SORBS2: variants seen among roughly 807,000 people sequenced by gnomAD.
The protein encoded by SORBS2 is sorbin and SH3 domain-containing protein 2.
In SORBS2, 46 loss-of-function variants were observed where a neutral mutation model predicts 97.7. That is an observed-to-expected ratio of 0.47 (90% CI 0.37 to 0.60). SORBS2 has a LOEUF of 0.60. Ranked by LOEUF, SORBS2 falls within the 20% of genes least tolerant of loss-of-function variation. SORBS2 has a pLI of 0.00. For synonymous variants in SORBS2, 476 were observed against 473.4 expected (o/e 1.01, Z -0.07); for missense variants, 1,316 against 1,282.3 (o/e 1.03, Z -0.40).
Position 185,764,174 on chromosome 4 carries a change from T to C in SORBS2, c.-198+11053A>G, listed in dbSNP as rs117348651. Among the ~76,000 whole-genome samples the C allele has an allele frequency of 6.6e-5, 10 of 152,342 alleles. No individual in the cohort carries two copies. The East Asian group carries it at 1.7e-3, about 26-fold the overall frequency. ...TATCCAGCCATATCACTGCTCTCCATAGTCCTGTAGCAACTGAGAGGACTG... is the reference window on the plus strand; with the variant it reads ...TATCCAGCCATATCACTGCTCTCCACAGTCCTGTAGCAACTGAGAGGACTG... On this transcript the variant is annotated intron_variant, in intron 2 of 20. Coordinates refer to the SORBS2 transcript ENST00000284776.
At chr4:185,725,874 G>A (rs2098551379) in intron 2 of SORBS2, among the ~76,000 whole-genome samples, 1 of 151,928 alleles carries the variant, frequency 6.6e-6, no homozygotes, top group South Asian at 2.1e-4. Flanking sequence ...TCTAAACCAA[G>A]CCCAACACAA....
intron 1 of SORBS2, among the ~76,000 whole-genome samples, chr4:185,840,356 A>G (rs913698126): frequency 6.6e-6 from 1 of 152,198 alleles, no homozygotes; most frequent in African/African-American, 2.4e-5. Flanking sequence ...GATAGAATCT[A>G]GCTGGATTTT....
intron 1 of SORBS2, among the ~76,000 whole-genome samples, chr4:185,910,300 C>T (rs577053809): frequency 2.6e-5 from 4 of 152,288 alleles, no homozygotes; most frequent in Non-Finnish European, 4.4e-5. Context: ...ATTTTCAATG[C>T]GTTTCCTGTG....
At chr4:185,875,557 T>C (rs760804743) in intron 1 of SORBS2, among the ~76,000 whole-genome samples, 1 of 152,220 alleles carries the variant, frequency 6.6e-6, no homozygotes, top group Non-Finnish European at 1.5e-5. Flanking sequence ...TTACAGTGCT[T>C]AGTTTTAAAA....
chr4:185,918,866 C>T (rs192985112), intron 1 of SORBS2, among the ~76,000 whole-genome samples: 12 of 152,264 alleles, frequency 7.9e-5, no homozygotes, highest in East Asian at 7.7e-4. Context: ...ACAGTTTCCA[C>T]GTATGTTCAC....
rs775539307 is a variant in SORBS2 at position 185,623,715 on chromosome 4, G to T, written c.1414C>A (p.Arg472=). ...AGGGCGTTAGACTGGCAGCCTCGCC[G>T]GCCCCGAGCGGGGGGGCCGCTTTGA... Residue 472 remains arginine (R), a synonymous_variant, in exon 7 of 15, where the codon CGG becomes AGG. Transcript: ENST00000418609. The surrounding 1 kb of genome is among the most constrained non-coding windows in gnomAD (Gnocchi z 6.4). 1 of 1,613,918 alleles carries T rather than the reference G, an allele frequency of 6.2e-7. No homozygotes were observed. The highest frequency in any genetic ancestry group is 8.5e-7 in the Non-Finnish European group (1 of 1,180,010).
intron 1 of SORBS2, among the ~76,000 whole-genome samples, chr4:185,928,806 A>C (rs2099265028): frequency 6.6e-6 from 1 of 152,106 alleles, no homozygotes; most frequent in Non-Finnish European, 1.5e-5. Flanking sequence ...TCGGCCTCCT[A>C]AAGTGCTGGG....
chr4:185,731,499 T>TCC (rs1469141423), intron 2 of SORBS2, among the ~76,000 whole-genome samples: 7 of 100,118 alleles, frequency 7.0e-5, no homozygotes, highest in Non-Finnish European at 1.4e-4. Context: ...CCTGTCTCTC[T>TCC]CCCTCCCTCC....
At chr4:185,667,538 T>C (rs1284320562) in intron 4 of SORBS2, among the ~76,000 whole-genome samples, 2 of 151,964 alleles carry the variant, frequency 1.3e-5, no homozygotes, top group East Asian at 3.9e-4. Context: ...AAGTTCTGCA[T>C]AAACTTCAGG....
intron 1 of SORBS2, among the ~76,000 whole-genome samples, chr4:185,953,960 A>G (rs2099278434): frequency 6.6e-6 from 1 of 152,216 alleles, no homozygotes; most frequent in African/African-American, 2.4e-5. Flanking sequence ...TCCCGGAGGG[A>G]GACGTCCTTT....
intron 1 of SORBS2, among the ~76,000 whole-genome samples, chr4:185,800,048 G>A (rs1456028330): frequency 3.9e-5 from 6 of 152,056 alleles, no homozygotes; most frequent in African/African-American, 1.4e-4. Flanking sequence ...AATACTATTA[G>A]CTGAGCATGG....
intron 4 of SORBS2, among the ~76,000 whole-genome samples, chr4:185,638,632 C>T (rs1561581368): frequency 7.9e-6 from 1 of 127,058 alleles, no homozygotes; most frequent in Admixed American, 8.8e-5. Flanking sequence ...ACAATTCACT[C>T]GGGTGCAGGC....
At chr4:185,762,510 C>A (rs1584364024) in intron 2 of SORBS2, among the ~76,000 whole-genome samples, 1 of 151,050 alleles carries the variant, frequency 6.6e-6, no homozygotes, top group African/African-American at 2.4e-5. Context: ...AAAAAGGGCA[C>A]CTGTAAGTGG....
intron 2 of SORBS2, among the ~76,000 whole-genome samples, chr4:185,758,362 G>A (rs2098843482): frequency 6.6e-6 from 1 of 152,012 alleles, no homozygotes; most frequent in South Asian, 2.1e-4. Context: ...TCTTCTCTTG[G>A]CTGTCAGCAC....
chr4:185,677,771 T>C (rs1301964316), intron 4 of SORBS2: 1 of 508,994 alleles, frequency 2.0e-6, no homozygotes, highest in Non-Finnish European at 3.3e-6. Flanking sequence ...CTTCTGATTA[T>C]GCTATCCATT....
intron 1 of SORBS2, among the ~76,000 whole-genome samples, chr4:185,935,080 C>A (rs2099268324): frequency 6.6e-6 from 1 of 152,274 alleles, no homozygotes; most frequent in South Asian, 2.1e-4. Context: ...AGCCAACAAT[C>A]AAGGCTAATG....
chr4:185,735,521 C>A (rs986937906), intron 2 of SORBS2, among the ~76,000 whole-genome samples: 3 of 151,464 alleles, frequency 2.0e-5, no homozygotes, highest in African/African-American at 7.3e-5. Flanking sequence ...CACAAACAAA[C>A]ACACACACTC....
chr4:185,753,125 T>G (rs1456055882), intron 2 of SORBS2, among the ~76,000 whole-genome samples: 2 of 152,380 alleles, frequency 1.3e-5, no homozygotes, highest in Admixed American at 6.5e-5. Flanking sequence ...TCTGAGGAAG[T>G]GCATTCAGTG....
chr4:185,900,113 G>T (rs1234674876), intron 1 of SORBS2, among the ~76,000 whole-genome samples: 1 of 152,100 alleles, frequency 6.6e-6, no homozygotes. Flanking sequence ...AGGCAATATA[G>T]TAAGAACCCA....
Sources: gnomAD v4.1 joint callset for allele counts (sites outside exome capture counted in the v4.1 genomes callset) on GRCh38, gnomAD v4.1.1 for gene constraint, Gnocchi (gnomAD v3.1) non-coding constraint, MANE v1.5 for transcripts, NCBI Gene and HGNC (gene_info 2026-07-23, HGNC 2026-07-21) for gene names.